Variants in RALGPS2 observed in about 807,000 individuals in gnomAD.
RALGPS2 encodes Ral GEF with PH domain and SH3 binding motif 2, also known as ras-specific guanine nucleotide-releasing factor RalGPS2.
In RALGPS2, 43 loss-of-function variants were observed where a neutral mutation model predicts 86.8. That is an observed-to-expected ratio of 0.50 (90% CI 0.39 to 0.64). The LOEUF is 0.64. Among genes scored for constraint, RALGPS2 ranks in the 30% least tolerant of loss-of-function variants. The pLI is 0.00. For missense variants in RALGPS2, 536 were observed against 694.6 expected, an observed-to-expected ratio of 0.77 and a Z score of 2.57; for synonymous variants, 243 against 231.3, an observed-to-expected ratio of 1.05 and a Z score of -0.46.
chr1:178,883,903 G>C (rs530887186), intron 11 of RALGPS2, among the ~76,000 whole-genome samples: 4 of 151,998 alleles, frequency 2.6e-5, no homozygotes, highest in Non-Finnish European at 5.9e-5. Flanking sequence ...GCAGCAGAAT[G>C]GCGTGAACCC....
At chr1:178,740,979 G>A (rs1019953536) in intron 1 of RALGPS2, among the ~76,000 whole-genome samples, 1 of 152,190 alleles carries the variant, frequency 6.6e-6, no homozygotes, top group Non-Finnish European at 1.5e-5. Flanking sequence ...CACATGGAAA[G>A]CTTAGAACAA....
chr1:178,858,283 T>A (rs1657729671), intron 8 of RALGPS2, among the ~76,000 whole-genome samples: 1 of 152,182 alleles, frequency 6.6e-6, no homozygotes, highest in South Asian at 2.1e-4. Flanking sequence ...TTATTTACTT[T>A]CTGCCCTAAA....
chr1:178,847,633 TTAAA>T (rs1265280004), intron 8 of RALGPS2, among the ~76,000 whole-genome samples: 1 of 151,524 alleles, frequency 6.6e-6, no homozygotes, highest in African/African-American at 2.5e-5. Context: ...AAAGATTAAT[TTAAA>T]TATATGTAAA....
intron 7 of RALGPS2, among the ~76,000 whole-genome samples, chr1:178,822,441 G>T (rs896184506): frequency 6.6e-6 from 1 of 151,978 alleles, no homozygotes; most frequent in Non-Finnish European, 1.5e-5. Flanking sequence ...ATTACATTTT[G>T]TACAAAGGAT....
At chr1:178,853,255 T>C (rs1266136921) in intron 8 of RALGPS2, 5 of 963,196 alleles carry the variant, frequency 5.2e-6, no homozygotes, top group Non-Finnish European at 6.2e-6. Context: ...TTAGCTAGTA[T>C]ACTACCCAGA....
intron 8 of RALGPS2, among the ~76,000 whole-genome samples, chr1:178,876,404 A>G (rs1307948848): frequency 1.3e-5 from 2 of 152,170 alleles, no homozygotes; most frequent in African/African-American, 2.4e-5. Flanking sequence ...TTTACTATCT[A>G]TGTATTTCAG....
rs188286112 is a variant in RALGPS2, at chr1:178,892,936, C to T, written c.1325+629C>T. On this transcript the variant is annotated intron_variant, in intron 15 of 19. Coordinates refer to ENST00000367635, the MANE Select transcript of RALGPS2 (RefSeq NM_152663.5). ...TACCAAACTTCAGAAGCAAACTTTA[C>T]GTCAGTTTGATGGTGTCTAATCTCC... Among the ~76,000 whole-genome samples the T allele has an allele frequency of 1.8e-3, 278 of 152,118 alleles. 1 individual carries two copies. The highest frequency in any genetic ancestry group is 3.6e-3 in the African/African-American group (149 of 41,532).
At chr1:178,792,132 T>A (rs1354601371) in intron 4 of RALGPS2, among the ~76,000 whole-genome samples, 1 of 152,204 alleles carries the variant, frequency 6.6e-6, no homozygotes, top group Non-Finnish European at 1.5e-5. Flanking sequence ...GTTTTGGTAC[T>A]TTATTTTCTA....
At chr1:178,834,177 A>G (rs942925717) in intron 8 of RALGPS2, among the ~76,000 whole-genome samples, 2 of 152,210 alleles carry the variant, frequency 1.3e-5, no homozygotes, top group African/African-American at 4.8e-5. Context: ...AGAAGACCCA[A>G]ATAAGTTGTT....
chr1:178,727,417 A>G (rs1650086645), intron 1 of RALGPS2, among the ~76,000 whole-genome samples: 1 of 152,038 alleles, frequency 6.6e-6, no homozygotes, highest in African/African-American at 2.4e-5. Context: ...TTGGGGCAGG[A>G]CTCTGGAAAT....
rs57623890 is a variant in RALGPS2 at position 178,899,653 on chromosome 1, G to GTTTT, written c.1524+1905_1524+1908dup. Among the ~76,000 whole-genome samples the GTTTT allele has an allele frequency of 9.2e-5, 13 of 140,556 alleles. 1 individual carries two copies. The highest frequency in any genetic ancestry group is 3.2e-4 in the African/African-American group (12 of 37,776). 92.2% of individuals were successfully genotyped at this position (140,556 alleles called of 152,430 possible). ...GGTTTTGGTTTTGGTTTTGGTTTTGGTTTTTTTTTTTGCCAAAATATTTAA... is the reference window on the plus strand; with the variant it reads ...GGTTTTGGTTTTGGTTTTGGTTTTGGTTTTTTTTTTTTTTTGCCAAAATATTTAA... On this transcript the variant is annotated intron_variant, in intron 17 of 19. Transcript: ENST00000367635.
At chr1:178,784,382 G>T in intron 2 of RALGPS2, 36 bp from the exon 3 acceptor site, 1 of 1,502,184 alleles carries the variant, frequency 6.7e-7, no homozygotes, top group Admixed American at 1.8e-5. Flanking sequence ...TTGTGAGACA[G>T]TATGTAAAAG....
At chr1:178,908,489 CTT>C in intron 19 of RALGPS2, among the ~76,000 whole-genome samples, 1 of 152,294 alleles carries the variant, frequency 6.6e-6, no homozygotes, top group East Asian at 1.9e-4. Flanking sequence ...GTTTCAAGAT[CTT>C]TGAGAAATCT....
At chr1:178,781,299 A>G (rs534668794) in intron 2 of RALGPS2, among the ~76,000 whole-genome samples, 7 of 152,284 alleles carry the variant, frequency 4.6e-5, no homozygotes, top group African/African-American at 1.7e-4. Context: ...CTCTCAAATT[A>G]TAGGTCTAGT....
chr1:178,893,914 T>A lies in RALGPS2; in HGVS notation c.1326-5T>A. 6.3e-7 allele frequency: 1 copy of A among 1,575,446 alleles called. No homozygotes were observed. The highest frequency in any genetic ancestry group is 8.7e-7 in the Non-Finnish European group (1 of 1,147,860). ...TCTTATGTGTTCTTTTCTTCGTTAT[T>A]ATAGTTCTGCAGAATCAGAAGATTT... is the stretch of plus-strand genomic sequence containing the variant. On this transcript the variant is annotated splice_polypyrimidine_tract_variant and splice_region_variant and intron_variant, in intron 15 of 19. Transcript: ENST00000367635.
intron 1 of RALGPS2, among the ~76,000 whole-genome samples, chr1:178,752,895 TTATG>T (rs1302264773): frequency 2.0e-5 from 3 of 152,214 alleles, no homozygotes; most frequent in African/African-American, 4.8e-5. Flanking sequence ...CTTTTTCTGT[TTATG>T]TATGTATCCT....
chr1:178,820,099 G>A (rs975687694), intron 6 of RALGPS2, among the ~76,000 whole-genome samples: 6 of 152,032 alleles, frequency 3.9e-5, no homozygotes, highest in Admixed American at 6.6e-5. Flanking sequence ...AATATTTTTG[G>A]AGCAAAACAT....
chr1:178,729,756 A>C (rs1650230506), intron 1 of RALGPS2, among the ~76,000 whole-genome samples: 1 of 152,218 alleles, frequency 6.6e-6, no homozygotes, highest in Non-Finnish European at 1.5e-5. Flanking sequence ...AAAATTTGAA[A>C]TCTGAATTTT....
chr1:178,768,789 C>T (rs1652639993), intron 1 of RALGPS2, among the ~76,000 whole-genome samples: 1 of 152,184 alleles, frequency 6.6e-6, no homozygotes, highest in African/African-American at 2.4e-5. Context: ...CACCAGACGC[C>T]CAGAAGTGTG....
Sources: gnomAD v4.1 joint callset for allele counts (sites outside exome capture counted in the v4.1 genomes callset) on GRCh38, gnomAD v4.1.1 for gene constraint, MANE v1.5 for transcripts, NCBI Gene and HGNC (gene_info 2026-07-23, HGNC 2026-07-21) for gene names.